CEP85L: variants seen among roughly 807,000 people sequenced by gnomAD.
CEP85L encodes centrosomal protein of 85 kDa-like.
In CEP85L, 60 loss-of-function variants were observed where a neutral mutation model predicts 100.3. That is an observed-to-expected ratio of 0.60 (90% CI 0.49 to 0.74). The LOEUF (loss-of-function observed/expected upper bound fraction) is 0.74, where lower values mean the gene tolerates loss of function less well. Among genes scored for constraint, CEP85L ranks in the 30% least tolerant of loss-of-function variants. The pLI, the probability that CEP85L is intolerant of heterozygous loss-of-function variation, is 0.00. For missense variants in CEP85L, 973 were observed against 936.2 expected (o/e 1.04, Z -0.51); for synonymous variants, 319 against 322.7 (o/e 0.99, Z 0.12).
chr6:118,543,056 C>G (rs920733451), intron 3 of CEP85L, among the ~76,000 whole-genome samples: 1 of 152,060 alleles, frequency 6.6e-6, no homozygotes, highest in Non-Finnish European at 1.5e-5. Context: ...TTTCTTTAGC[C>G]TCTTTCTGCC....
chr6:118,564,797 T>C (rs527493701), intron 3 of CEP85L, among the ~76,000 whole-genome samples: 13 of 152,328 alleles, frequency 8.5e-5, no homozygotes, highest in African/African-American at 2.6e-4. Flanking sequence ...ACAGGACTTA[T>C]ATCAGAAAAT....
At chr6:118,498,223 T>C (rs1262705366) in intron 5 of CEP85L, among the ~76,000 whole-genome samples, 8 of 152,040 alleles carry the variant, frequency 5.3e-5, no homozygotes, top group Non-Finnish European at 1.0e-4. Context: ...TGGGAAATGG[T>C]TGGCTCATGC....
intron 2 of CEP85L, among the ~76,000 whole-genome samples, chr6:118,622,847 G>C (rs143768654): frequency 1.3e-5 from 2 of 152,210 alleles, no homozygotes; most frequent in African/African-American, 4.8e-5. Flanking sequence ...GGAAACTGCC[G>C]AGGAGATGCT....
chr6:118,483,929 A>G, intron 6 of CEP85L, 71 bp from the exon 7 acceptor site: 1 of 1,367,424 alleles, frequency 7.3e-7, no homozygotes, highest in East Asian at 2.3e-5. Flanking sequence ...CAACACTTTA[A>G]TATTAGACAC....
chr6:118,539,716 G>A (rs745684392), intron 3 of CEP85L, among the ~76,000 whole-genome samples: 12 of 151,882 alleles, frequency 7.9e-5, no homozygotes, highest in Admixed American at 1.3e-4. Context: ...ATTAAGCCCC[G>A]CATGCATTAG....
At chr6:118,605,704 T>C (rs1172943561) in intron 2 of CEP85L, among the ~76,000 whole-genome samples, 1 of 149,882 alleles carries the variant, frequency 6.7e-6, no homozygotes, top group Non-Finnish European at 1.5e-5. Context: ...TTAGGGCCTC[T>C]CATGTGTGCA....
At chr6:118,588,614 T>A (rs1781002507) in intron 2 of CEP85L, among the ~76,000 whole-genome samples, 1 of 152,230 alleles carries the variant, frequency 6.6e-6, no homozygotes, top group South Asian at 2.1e-4. Flanking sequence ...CCCTCTTTAA[T>A]GAATTCCAGT....
chr6:118,651,152 C>T (rs1369430312), intron 1 of CEP85L, 45 bp downstream of exon 1: 1 of 1,466,942 alleles, frequency 6.8e-7, no homozygotes, highest in Non-Finnish European at 9.0e-7. Flanking sequence ...GCGCCGCGGT[C>T]GGCCGTGACC....
rs918320970 is a variant in CEP85L at position 118,462,429 on chromosome 6, G to T, written c.*2976C>A. The stretch of plus-strand genomic sequence containing the variant: ...GATTCAGTGAATTTTATCTGTACAG[G>T]CAATTTGGGTCTTTCATTGAGTCAA... On this transcript the variant is annotated 3_prime_UTR_variant, in exon 13 of 13. Coordinates refer to ENST00000368491, the MANE Select transcript of CEP85L (RefSeq NM_001042475.3). The T allele has an allele frequency of 3.3e-5, 5 of 151,932 alleles. No individual in the cohort carries two copies. Among genetic ancestry groups the T allele is most frequent in the African/African-American group, 1.2e-4 (5 of 41,382 alleles). 9.4% of individuals were successfully genotyped at this position (151,932 alleles called of 1,614,324 possible).
At chr6:118,502,348 C>A in intron 5 of CEP85L, 1 of 520,170 alleles carries the variant, frequency 1.9e-6, no homozygotes, top group Admixed American at 2.9e-5. Context: ...TTTCTGGCCC[C>A]ATGCCAAGAT....
chr6:118,473,369 T>C (rs905266331), intron 10 of CEP85L, among the ~76,000 whole-genome samples: 15 of 151,962 alleles, frequency 9.9e-5, no homozygotes, highest in African/African-American at 3.6e-4. Context: ...AAGTGAGAGA[T>C]TGTGTCCCAG....
At chr6:118,617,076 C>T (rs992944923) in intron 2 of CEP85L, among the ~76,000 whole-genome samples, 4 of 151,976 alleles carry the variant, frequency 2.6e-5, no homozygotes, top group Admixed American at 6.6e-5. Flanking sequence ...TAAAACCTTG[C>T]GCTTTGCAGG....
chr6:118,699,396 A>G (rs184634814), intron 1 of CEP85L, among the ~76,000 whole-genome samples: 45 of 150,206 alleles, frequency 3.0e-4, no homozygotes, highest in African/African-American at 1.1e-3. Flanking sequence ...TCAAGGCTGT[A>G]GTGAGCCGTG....
intron 2 of CEP85L, among the ~76,000 whole-genome samples, chr6:118,608,583 C>T (rs1477890132): frequency 1.3e-5 from 2 of 152,084 alleles, no homozygotes; most frequent in South Asian, 2.1e-4. Flanking sequence ...AAATCAAAAG[C>T]TCTTTATTCC....
intron 3 of CEP85L, among the ~76,000 whole-genome samples, chr6:118,544,085 C>A (rs773090160): frequency 6.6e-6 from 1 of 151,942 alleles, no homozygotes; most frequent in African/African-American, 2.4e-5. Flanking sequence ...ACAAAGTTTG[C>A]GAATGCGAGG....
intron 1 of CEP85L, among the ~76,000 whole-genome samples, chr6:118,698,139 AC>A (rs1254320895): frequency 1.3e-5 from 2 of 152,268 alleles, no homozygotes; most frequent in African/African-American, 4.8e-5. Flanking sequence ...TGAAGGGCAC[AC>A]AAAATGAGAC....
chr6:118,543,109 T>A (rs1271632094), intron 3 of CEP85L, among the ~76,000 whole-genome samples: 1 of 152,080 alleles, frequency 6.6e-6, no homozygotes, highest in African/African-American at 2.4e-5. Context: ...GATGGCCTAT[T>A]TTTATAGAGA....
chr6:118,648,197 T>C (rs1775324823), intron 1 of CEP85L, among the ~76,000 whole-genome samples: 1 of 152,170 alleles, frequency 6.6e-6, no homozygotes, highest in African/African-American at 2.4e-5. Flanking sequence ...GAAGTTGCAG[T>C]GATCCAAGAT....
At chr6:118,696,341 T>C (rs4027595) in intron 1 of CEP85L, among the ~76,000 whole-genome samples, 53,465 of 151,954 alleles carry the variant, frequency 0.35, 9,688 homozygotes, top group Middle Eastern at 0.43. Context: ...GAATAAGTAA[T>C]AGTACAGTAA....
Sources: gnomAD v4.1 joint callset for allele counts (sites outside exome capture counted in the v4.1 genomes callset) on GRCh38, gnomAD v4.1.1 for gene constraint, MANE v1.5 for transcripts, NCBI Gene and HGNC (gene_info 2026-07-23, HGNC 2026-07-21) for gene names.